The following RALYL variants were observed in gnomAD, a reference collection of about 807,000 sequenced individuals.
RALYL encodes RALY RNA binding protein like.
A neutral mutation model predicts 35.1 loss-of-function variants in RALYL; 29 were observed. That is an observed-to-expected ratio of 0.83 (90% CI 0.61 to 1.13). RALYL has a LOEUF of 1.13. Among genes scored for constraint, RALYL ranks in the 50% most tolerant of loss-of-function variants. The pLI, the probability that RALYL is intolerant of heterozygous loss-of-function variation, is 0.00. For synonymous variants in RALYL, 120 were observed against 127.6 expected (o/e 0.94, Z 0.40); for missense variants, 359 against 360.4 (o/e 1.00, Z 0.03).
intron 4 of RALYL, among the ~76,000 whole-genome samples, chr8:84,819,288 C>T (rs1457128349): frequency 6.6e-6 from 1 of 152,186 alleles, no homozygotes; most frequent in East Asian, 1.9e-4. Flanking sequence ...AGCAGTTGTG[C>T]TTTCAGGCCT....
intron 2 of RALYL, among the ~76,000 whole-genome samples, chr8:84,756,948 C>T (rs1381413649): frequency 2.0e-5 from 3 of 151,850 alleles, no homozygotes; most frequent in African/African-American, 4.8e-5. Flanking sequence ...ATTTAGAGAC[C>T]GTGAATGTGA....
chr8:84,209,593 A>G (rs1215765092), intron 1 of RALYL, among the ~76,000 whole-genome samples: 1 of 152,136 alleles, frequency 6.6e-6, no homozygotes, highest in Non-Finnish European at 1.5e-5. Context: ...CAAATTTAGA[A>G]TTACCTGGGA....
chr8:84,423,319 CTT>C (rs1347308008), intron 1 of RALYL, among the ~76,000 whole-genome samples: 1 of 149,746 alleles, frequency 6.7e-6, no homozygotes, highest in Non-Finnish European at 1.5e-5. Flanking sequence ...TTCTTTGTCT[CTT>C]TTGATCTTTG....
chr8:84,586,578 A>G (rs1188901329), intron 2 of RALYL, among the ~76,000 whole-genome samples: 1 of 152,198 alleles, frequency 6.6e-6, no homozygotes. Context: ...AATTTGAGTG[A>G]CTGATACTTA....
chr8:84,228,182 T>C (rs1336247422), intron 1 of RALYL, among the ~76,000 whole-genome samples: 3 of 146,914 alleles, frequency 2.0e-5, no homozygotes, highest in Admixed American at 1.4e-4. Context: ...AAAAATGTGA[T>C]TGTGGTAGTT....
chr8:84,778,653 G>A (rs2718973), intron 3 of RALYL, among the ~76,000 whole-genome samples: 34,845 of 152,146 alleles, frequency 0.23, 4,233 homozygotes, highest in Non-Finnish European at 0.25. Flanking sequence ...AGCTAGGATA[G>A]TCTACCTTGT....
At chr8:84,447,802 G>A (rs1246079414) in intron 1 of RALYL, among the ~76,000 whole-genome samples, 1 of 152,034 alleles carries the variant, frequency 6.6e-6, no homozygotes, top group South Asian at 2.1e-4. Context: ...AATAGTCAGA[G>A]CTGAACTTGC....
At chr8:84,441,095 AT>A (rs1284626635) in intron 1 of RALYL, among the ~76,000 whole-genome samples, 21 of 151,988 alleles carry the variant, frequency 1.4e-4, no homozygotes, top group Non-Finnish European at 2.1e-4. Flanking sequence ...GTAGTGGTGT[AT>A]TTTTTTAATA....
At chr8:84,239,575 A>C (rs1180206188) in intron 1 of RALYL, among the ~76,000 whole-genome samples, 3 of 152,132 alleles carry the variant, frequency 2.0e-5, no homozygotes, top group African/African-American at 7.2e-5. Context: ...CTCAGATAGT[A>C]GCTGCCAGGG....
intron 2 of RALYL, among the ~76,000 whole-genome samples, chr8:84,620,809 AACAG>A (rs1164458054): frequency 6.6e-6 from 1 of 152,006 alleles, no homozygotes; most frequent in Non-Finnish European, 1.5e-5. Flanking sequence ...TTTTCCTTCT[AACAG>A]ACAGGACCCT....
intron 2 of RALYL, among the ~76,000 whole-genome samples, chr8:84,538,416 G>C (rs2059770203): frequency 6.6e-6 from 1 of 152,134 alleles, no homozygotes; most frequent in Non-Finnish European, 1.5e-5. Context: ...ATCCTTTAAT[G>C]TGGGGAATAA....
At chr8:84,798,981 C>A (rs1822571551) in intron 3 of RALYL, among the ~76,000 whole-genome samples, 1 of 152,028 alleles carries the variant, frequency 6.6e-6, no homozygotes, top group Admixed American at 6.5e-5. Flanking sequence ...ACACTGGAAC[C>A]TGATTGTGAA....
At chr8:84,320,404 T>A (rs73306954) in intron 1 of RALYL, among the ~76,000 whole-genome samples, 7,387 of 152,012 alleles carry the variant, frequency 0.049, 282 homozygotes, top group African/African-American at 0.087. Flanking sequence ...ATATATACAC[T>A]TGTGCATATA....
At chr8:84,804,549 C>T (rs1824137362) in intron 3 of RALYL, among the ~76,000 whole-genome samples, 1 of 152,122 alleles carries the variant, frequency 6.6e-6, no homozygotes, top group Non-Finnish European at 1.5e-5. Flanking sequence ...GTTATGTCCT[C>T]ATTCCAAGAC....
At chr8:84,218,560 T>C (rs1821394798) in intron 1 of RALYL, among the ~76,000 whole-genome samples, 1 of 152,034 alleles carries the variant, frequency 6.6e-6, no homozygotes, top group African/African-American at 2.4e-5. Context: ...TTTTTGTAAA[T>C]AATGCAGACT....
intron 1 of RALYL, among the ~76,000 whole-genome samples, chr8:84,498,577 T>C (rs2056333747): frequency 6.6e-6 from 1 of 152,150 alleles, no homozygotes; most frequent in African/African-American, 2.4e-5. Context: ...TCAATAGTAT[T>C]TTTAACTGCT....
chr8:84,652,921 A>C (rs1190576465), intron 2 of RALYL, among the ~76,000 whole-genome samples: 2 of 152,164 alleles, frequency 1.3e-5, no homozygotes, highest in Admixed American at 6.6e-5. Context: ...CAGACATTGC[A>C]TCAATGTACT....
chr8:84,203,045 A>G (rs889384519), intron 1 of RALYL, among the ~76,000 whole-genome samples: 1 of 152,168 alleles, frequency 6.6e-6, no homozygotes, highest in Non-Finnish European at 1.5e-5. Context: ...CCACACAACA[A>G]AAGAATGTTA....
rs114053663 is a variant in RALYL at position 84,541,126 on chromosome 8, T to C, written c.256+11549T>C. On this transcript the variant is annotated intron_variant, in intron 2 of 8. Coordinates refer to ENST00000521268, the MANE Select transcript of RALYL (RefSeq NM_173848.7). ...CATTACTCTGGAATAATATCCTTTT[T>C]TTTTTCTTCTACACTTTGTGGGTTT... is the stretch of plus-strand genomic sequence containing the variant. Among the ~76,000 whole-genome samples, 449 of 152,090 alleles carry C rather than the reference T, an allele frequency of 3.0e-3. 5 individuals carry two copies. Among genetic ancestry groups the C allele is most frequent in the African/African-American group, 9.8e-3 (409 of 41,536 alleles).
Sources: allele counts gnomAD v4.1 joint callset (sites outside exome capture counted in the v4.1 genomes callset), GRCh38; gene constraint gnomAD v4.1.1; transcripts MANE v1.5; gene names NCBI Gene and HGNC (gene_info 2026-07-23, HGNC 2026-07-21).